Variants in SAMHD1 observed in about 807,000 individuals in gnomAD.
SAMHD1 encodes the protein deoxynucleoside triphosphate triphosphohydrolase SAMHD1.
In SAMHD1, 54 loss-of-function variants were observed where a neutral mutation model predicts 79.6. The ratio of observed to expected loss-of-function variants is 0.68; its 90% CI spans 0.55 to 0.85. The LOEUF is 0.85. SAMHD1 is among the 40% of genes least tolerant of loss of function. SAMHD1 has a pLI of 0.00. For synonymous variants in SAMHD1, 260 were observed against 264.1 expected (o/e 0.98, Z 0.15); for missense variants, 663 against 782.7 (o/e 0.85, Z 1.82).
intron 3 of SAMHD1, among the ~76,000 whole-genome samples, chr20:36,938,524 A>G (rs1171999645): frequency 6.6e-6 from 1 of 151,232 alleles, no homozygotes; most frequent in Non-Finnish European, 1.5e-5. Context: ...TGGGCAACCG[A>G]GTGAAACTCC....
chr20:36,944,613 GGCCGGTC>G (rs2063672170), intron 2 of SAMHD1, among the ~76,000 whole-genome samples: 1 of 152,158 alleles, frequency 6.6e-6, no homozygotes, highest in Non-Finnish European at 1.5e-5. Context: ...AAGTATTTAA[GGCCGGTC>G]GCAGTGGCTC....
chr20:36,940,917 C>G (rs1215365148), intron 3 of SAMHD1, 122 bp downstream of exon 3: 8 of 734,578 alleles, frequency 1.1e-5, no homozygotes, highest in Non-Finnish European at 1.9e-5. Context: ...TAGAAAAGAT[C>G]CACTACTCAC....
chr20:36,914,345 ATTTC>A (rs996385058), intron 9 of SAMHD1, among the ~76,000 whole-genome samples: 8 of 148,278 alleles, frequency 5.4e-5, no homozygotes, highest in East Asian at 1.9e-4. Flanking sequence ...TGCCTTATGA[ATTTC>A]TTTCTTTCTT....
At chr20:36,927,969 A>G (rs921906469) in intron 5 of SAMHD1, among the ~76,000 whole-genome samples, 12 of 152,190 alleles carry the variant, frequency 7.9e-5, no homozygotes, top group African/African-American at 2.9e-4. Flanking sequence ...TGGGACTACA[A>G]GCATGCACCA....
intron 6 of SAMHD1, among the ~76,000 whole-genome samples, chr20:36,926,597 A>G (rs76119969): frequency 1.3e-5 from 2 of 150,078 alleles, no homozygotes; most frequent in South Asian, 2.1e-4. Context: ...AGAGAGAGAG[A>G]AAAAAAAAGT....
intron 7 of SAMHD1, 91 bp downstream of exon 7, chr20:36,919,273 T>TA: frequency 7.7e-7 from 1 of 1,294,920 alleles, no homozygotes; most frequent in Non-Finnish European, 1.1e-6. Context: ...ATTTAGCCTC[T>TA]AAAATAGCCA....
At chr20:36,896,338 A>C (rs1990198103) in intron 15 of SAMHD1, among the ~76,000 whole-genome samples, 1 of 152,140 alleles carries the variant, frequency 6.6e-6, no homozygotes, top group Admixed American at 6.5e-5. Flanking sequence ...ACAGACACCA[A>C]GGGACAATTC....
chr20:36,949,860 T>C (rs2063721802), intron 1 of SAMHD1, among the ~76,000 whole-genome samples: 1 of 151,234 alleles, frequency 6.6e-6, no homozygotes, highest in African/African-American at 2.4e-5. Flanking sequence ...GATAGGAACC[T>C]GGACGAGCAA....
intron 1 of SAMHD1, among the ~76,000 whole-genome samples, chr20:36,949,861 G>C (rs1293734594): frequency 2.0e-5 from 3 of 151,796 alleles, no homozygotes; most frequent in Non-Finnish European, 2.9e-5. Flanking sequence ...ATAGGAACCT[G>C]GACGAGCAAG....
chr20:36,950,933 T>A (rs1316923038), intron 1 of SAMHD1, among the ~76,000 whole-genome samples: 1 of 152,126 alleles, frequency 6.6e-6, no homozygotes, highest in East Asian at 1.9e-4. Context: ...TTCAAGGAGC[T>A]GCGGTTAGCG....
At chr20:36,950,336 A>G (rs1468025065) in intron 1 of SAMHD1, among the ~76,000 whole-genome samples, 1 of 152,080 alleles carries the variant, frequency 6.6e-6, no homozygotes, top group East Asian at 1.9e-4. Context: ...GGAAGAAAAA[A>G]AAAAAAGGAG....
intron 15 of SAMHD1, among the ~76,000 whole-genome samples, chr20:36,895,960 G>C (rs1990189829): frequency 6.6e-6 from 1 of 151,964 alleles, no homozygotes; most frequent in Admixed American, 6.6e-5. Context: ...CATTGTAGTA[G>C]GTTTTATAAG....
intron 11 of SAMHD1, 109 bp from the exon 12 acceptor site, chr20:36,905,612 G>A (rs913729894): frequency 1.1e-6 from 1 of 939,702 alleles, no homozygotes; most frequent in African/African-American, 1.7e-5. Flanking sequence ...GCAAATGTAG[G>A]TACATTATTA....
At chr20:36,939,764 T>C (rs961710761) in intron 3 of SAMHD1, among the ~76,000 whole-genome samples, 3 of 152,180 alleles carry the variant, frequency 2.0e-5, no homozygotes, top group Admixed American at 6.5e-5. Context: ...AAAAAGAAGA[T>C]ATCCTACATC....
intron 1 of SAMHD1, among the ~76,000 whole-genome samples, chr20:36,950,424 C>A (rs2063725996): frequency 6.6e-6 from 1 of 152,018 alleles, no homozygotes; most frequent in Admixed American, 6.6e-5. Context: ...AGTTTCCAAC[C>A]TAGCCAAACA....
chr20:36,920,459 C>T (rs2063498046), intron 6 of SAMHD1, among the ~76,000 whole-genome samples: 1 of 152,220 alleles, frequency 6.6e-6, no homozygotes, highest in Middle Eastern at 3.4e-3. Flanking sequence ...AGAAACTATT[C>T]TTAAAAACAG....
intron 1 of SAMHD1, among the ~76,000 whole-genome samples, chr20:36,949,030 A>G (rs760649891): frequency 2.0e-5 from 3 of 149,108 alleles, no homozygotes; most frequent in Admixed American, 6.7e-5. Context: ...TTTGGGAGGC[A>G]GAGGCGGATG....
intron 7 of SAMHD1, among the ~76,000 whole-genome samples, chr20:36,918,801 C>CAAAAAAAAAAA (rs60403097): frequency 1.8e-4 from 12 of 65,444 alleles, no homozygotes; most frequent in Non-Finnish European, 2.2e-4. Flanking sequence ...GACTCTATCT[C>CAAAAAAAAAAA]AAAAAAAAAA....
At chr20:36,893,709 A>G in intron 15 of SAMHD1, 1 of 393,576 alleles carries the variant, frequency 2.5e-6, no homozygotes, top group Non-Finnish European at 4.5e-6. Context: ...TTCTTTGGTT[A>G]CAAGATGATG....
Sources: allele counts gnomAD v4.1 joint callset (sites outside exome capture counted in the v4.1 genomes callset), GRCh38; gene constraint gnomAD v4.1.1; transcripts MANE v1.5; gene names NCBI Gene and HGNC (gene_info 2026-07-23, HGNC 2026-07-21).